Variants in SNX29 observed in about 807,000 individuals in gnomAD.
SNX29 encodes the protein sorting nexin-29.
Under a neutral mutation model 102.1 loss-of-function variants are expected in SNX29, and 78 were observed. The observed-to-expected ratio is 0.76, with a 90% confidence interval of 0.64 to 0.92. The LOEUF is 0.92. Among genes scored for constraint, SNX29 ranks in the 40% least tolerant of loss-of-function variants. The pLI is 0.00. For missense variants in SNX29, 1,280 were observed against 1,061.7 expected, an observed-to-expected ratio of 1.21 and a Z score of -2.86; for synonymous variants, 580 against 414.5, an observed-to-expected ratio of 1.40 and a Z score of -4.85.
At chr16:12,129,071 A>C (rs960705733) in intron 12 of SNX29, among the ~76,000 whole-genome samples, 1 of 152,178 alleles carries the variant, frequency 6.6e-6, no homozygotes, top group Non-Finnish European at 1.5e-5. Context: ...GTGATATAAG[A>C]TATTTTTTAT....
chr16:12,163,124 C>G (rs144971372), intron 13 of SNX29, among the ~76,000 whole-genome samples: 2 of 152,142 alleles, frequency 1.3e-5, no homozygotes, highest in East Asian at 3.9e-4. Flanking sequence ...TCAGGTGATA[C>G]GCCCACCTTG....
At chr16:12,377,628 G>C (rs745682746) in intron 16 of SNX29, among the ~76,000 whole-genome samples, 2 of 152,120 alleles carry the variant, frequency 1.3e-5, no homozygotes, top group Admixed American at 6.6e-5. Flanking sequence ...GTGTGCGCCC[G>C]GTACGTAGTA....
intron 15 of SNX29, among the ~76,000 whole-genome samples, chr16:12,319,190 A>C (rs1411495828): frequency 6.6e-6 from 1 of 152,084 alleles, no homozygotes; most frequent in African/African-American, 2.4e-5. Context: ...TTAATATTTA[A>C]CTTAACCACT....
At chr16:12,537,430 A>G (rs1438719560) in intron 20 of SNX29, among the ~76,000 whole-genome samples, 2 of 152,226 alleles carry the variant, frequency 1.3e-5, no homozygotes, top group African/African-American at 2.4e-5. Context: ...GCTCAACTAC[A>G]TAGCAGCCTT....
chr16:12,050,889 T>A (rs1194440318), intron 7 of SNX29, among the ~76,000 whole-genome samples: 1 of 152,052 alleles, frequency 6.6e-6, no homozygotes, highest in African/African-American at 2.4e-5. Flanking sequence ...TTTTTTTTTT[T>A]TTTGTATTTT....
At chr16:12,108,112 G>A (rs533115347) in intron 11 of SNX29, among the ~76,000 whole-genome samples, 2 of 152,174 alleles carry the variant, frequency 1.3e-5, no homozygotes, top group East Asian at 1.9e-4. Context: ...TATGCTACCC[G>A]AGCTGAGATG....
intron 1 of SNX29, among the ~76,000 whole-genome samples, chr16:11,984,045 T>G (rs1441690450): frequency 6.6e-6 from 1 of 152,110 alleles, no homozygotes; most frequent in African/African-American, 2.4e-5. Context: ...AAAAGTGTCC[T>G]TAGGGGGAAA....
chr16:12,544,335 A>G (rs576085005), intron 20 of SNX29, among the ~76,000 whole-genome samples: 1 of 152,212 alleles, frequency 6.6e-6, no homozygotes, highest in Non-Finnish European at 1.5e-5. Flanking sequence ...TGAGGCAGGA[A>G]AAGTCAGTAC....
intron 14 of SNX29, among the ~76,000 whole-genome samples, chr16:12,264,351 G>A (rs192540520): frequency 6.4e-4 from 97 of 152,364 alleles, no homozygotes; most frequent in Non-Finnish European, 1.1e-3. Context: ...AGGGCAGGCT[G>A]CACAGTAATT....
intron 15 of SNX29, among the ~76,000 whole-genome samples, chr16:12,316,621 C>G (rs1567430787): frequency 6.6e-6 from 1 of 152,220 alleles, no homozygotes; most frequent in Non-Finnish European, 1.5e-5. Context: ...CCCTCCCACT[C>G]CTTCTGTGCC....
intron 11 of SNX29, among the ~76,000 whole-genome samples, chr16:12,114,177 G>C (rs987362644): frequency 6.6e-6 from 1 of 152,160 alleles, no homozygotes; most frequent in South Asian, 2.1e-4. Context: ...GGTTACAAGG[G>C]ACAGAAACCA....
At chr16:12,064,954 G>T (rs556497341) in intron 9 of SNX29, among the ~76,000 whole-genome samples, 1 of 152,340 alleles carries the variant, frequency 6.6e-6, no homozygotes, top group African/African-American at 2.4e-5. Flanking sequence ...GGAGACTTTT[G>T]TCATCTTTGA....
chr16:12,415,749 G>T (rs1011664363), intron 18 of SNX29, among the ~76,000 whole-genome samples: 1 of 152,144 alleles, frequency 6.6e-6, no homozygotes, highest in Non-Finnish European at 1.5e-5. Context: ...TCTCCATGGG[G>T]AACAGTTGGC....
At chr16:12,409,180 C>T (rs572998789) in intron 18 of SNX29, among the ~76,000 whole-genome samples, 3 of 152,026 alleles carry the variant, frequency 2.0e-5, no homozygotes, top group South Asian at 2.1e-4. Flanking sequence ...AGGCACTAGC[C>T]GGAGACAAAA....
At chr16:12,310,558 C>A (rs113330140) in intron 15 of SNX29, among the ~76,000 whole-genome samples, 1 of 151,870 alleles carries the variant, frequency 6.6e-6, no homozygotes, top group African/African-American at 2.4e-5. Context: ...CTGTATGATT[C>A]CATTTATAGA....
chr16:11,987,403 CTTT>C (rs34572926), intron 1 of SNX29, among the ~76,000 whole-genome samples: 25 of 107,268 alleles, frequency 2.3e-4, no homozygotes, highest in Non-Finnish European at 2.9e-4. Context: ...GACTTTTACT[CTTT>C]TTTTTTTTTT....
intron 20 of SNX29, among the ~76,000 whole-genome samples, chr16:12,562,956 A>C (rs2078812588): frequency 7.0e-6 from 1 of 143,638 alleles, no homozygotes; most frequent in Non-Finnish European, 1.5e-5. Flanking sequence ...GCAAACATTC[A>C]CCCAACACAA....
chr16:12,052,752 A>C (rs1422196220), intron 8 of SNX29: 1 of 165,506 alleles, frequency 6.0e-6, no homozygotes, highest in Non-Finnish European at 1.3e-5. Context: ...GTGTGCCTTG[A>C]AATTCTTGCT....
intron 20 of SNX29, among the ~76,000 whole-genome samples, chr16:12,548,350 G>T (rs1023310086): frequency 1.3e-5 from 2 of 152,178 alleles, no homozygotes; most frequent in African/African-American, 4.8e-5. Flanking sequence ...ATGACAGTGG[G>T]CACTCTGCAC....
Sources: gnomAD v4.1 joint callset for allele counts (sites outside exome capture counted in the v4.1 genomes callset) on GRCh38, gnomAD v4.1.1 for gene constraint, MANE v1.5 for transcripts, NCBI Gene and HGNC (gene_info 2026-07-23, HGNC 2026-07-21) for gene names.